The following RGS6 variants were observed in gnomAD, a reference collection of about 807,000 sequenced individuals.
The protein encoded by RGS6 is regulator of G protein signaling 6.
Under a neutral mutation model 78.5 loss-of-function variants are expected in RGS6, and 30 were observed. That is an observed-to-expected ratio of 0.38 (90% CI 0.29 to 0.52). The LOEUF is 0.52. Among genes scored for constraint, RGS6 ranks in the 20% least tolerant of loss-of-function variants. The pLI is 0.85. For missense variants in RGS6, 495 were observed against 609.7 expected (o/e 0.81, Z 1.98); for synonymous variants, 206 against 206.0 (o/e 1.00, Z 0.00).
At chr14:72,300,673 A>G (rs2065868133) in intron 2 of RGS6, among the ~76,000 whole-genome samples, 1 of 152,208 alleles carries the variant, frequency 6.6e-6, no homozygotes, top group Non-Finnish European at 1.5e-5. Context: ...GCATAGACAT[A>G]TGATTCCTTC....
At chr14:71,997,877 A>G (rs949245763) in intron 2 of RGS6, among the ~76,000 whole-genome samples, 1 of 152,326 alleles carries the variant, frequency 6.6e-6, no homozygotes, top group East Asian at 1.9e-4. Flanking sequence ...AAACTTGGCT[A>G]TAAATTTTAA....
chr14:72,070,071 C>A (rs1198238521), intron 2 of RGS6, among the ~76,000 whole-genome samples: 1 of 152,006 alleles, frequency 6.6e-6, no homozygotes, highest in African/African-American at 2.4e-5. Context: ...TGTTACTAAA[C>A]TATACATTTT....
chr14:72,224,562 C>A (rs2047653711), intron 2 of RGS6, among the ~76,000 whole-genome samples: 1 of 151,706 alleles, frequency 6.6e-6, no homozygotes, highest in Admixed American at 6.6e-5. Context: ...AATTTTAGTA[C>A]TTCTTATTAT....
At chr14:72,187,104 T>A (rs1220377411) in intron 2 of RGS6, among the ~76,000 whole-genome samples, 7 of 152,160 alleles carry the variant, frequency 4.6e-5, no homozygotes, top group Non-Finnish European at 1.0e-4. Flanking sequence ...GCTTAGAAAA[T>A]GTAAAGCCAT....
At chr14:72,423,918 T>G (rs1403379532) in intron 3 of RGS6, among the ~76,000 whole-genome samples, 2 of 152,210 alleles carry the variant, frequency 1.3e-5, no homozygotes, top group Non-Finnish European at 2.9e-5. Context: ...ATAGAAGTGT[T>G]GAAAGCTTCA....
chr14:72,210,969 A>T (rs1308113571), intron 2 of RGS6, among the ~76,000 whole-genome samples: 1 of 152,182 alleles, frequency 6.6e-6, no homozygotes, highest in East Asian at 1.9e-4. Context: ...AAAATGGCCA[A>T]TGTGACATTT....
At chr14:71,888,999 G>T in the RGS6 span, among the ~76,000 whole-genome samples, 2 of 152,160 alleles carry the variant, frequency 1.3e-5, no homozygotes, top group Admixed American at 1.3e-4. Flanking sequence ...TGAGGATTGG[G>T]CATGGTTCAC....
chr14:72,312,073 T>C (rs79975519), intron 2 of RGS6, among the ~76,000 whole-genome samples: 2,183 of 152,304 alleles, frequency 0.014, 43 homozygotes, highest in African/African-American at 0.049. Flanking sequence ...GCATCAGCTC[T>C]TGGGGGCAGC....
intron 10 of RGS6, among the ~76,000 whole-genome samples, chr14:72,475,102 T>C (rs1274878781): frequency 1.4e-5 from 2 of 146,794 alleles, no homozygotes; most frequent in East Asian, 4.0e-4. Flanking sequence ...CCTGGGGAGG[T>C]GGCAGGGAGG....
At chr14:72,409,462 T>A (rs1401641923) in intron 3 of RGS6, among the ~76,000 whole-genome samples, 1 of 152,238 alleles carries the variant, frequency 6.6e-6, no homozygotes, top group African/African-American at 2.4e-5. Flanking sequence ...ACCTAGGAAC[T>A]TAAAGTGCTG....
chr14:71,951,124 A>G (rs2092272890), intron 1 of RGS6, among the ~76,000 whole-genome samples: 1 of 152,170 alleles, frequency 6.6e-6, no homozygotes, highest in South Asian at 2.1e-4. Context: ...TCATTGCAGC[A>G]CTTTTCATGA....
intron 2 of RGS6, among the ~76,000 whole-genome samples, chr14:72,208,661 C>T: frequency 6.6e-6 from 1 of 152,140 alleles, no homozygotes; most frequent in East Asian, 1.9e-4. Flanking sequence ...GAAAAAATGT[C>T]TCAGAGGCTA....
intron 2 of RGS6, among the ~76,000 whole-genome samples, chr14:72,001,735 G>A (rs2083475503): frequency 6.6e-6 from 1 of 151,832 alleles, no homozygotes; most frequent in Non-Finnish European, 1.5e-5. Flanking sequence ...CTTTTCCCCT[G>A]GTGGAATTCT....
intron 2 of RGS6, among the ~76,000 whole-genome samples, chr14:72,152,827 C>G (rs755396500): frequency 2.6e-5 from 4 of 152,042 alleles, no homozygotes; most frequent in Non-Finnish European, 5.9e-5. Flanking sequence ...GGGTCCTTGT[C>G]ACACGGCTAT....
chr14:71,916,968 A>G, the RGS6 span, among the ~76,000 whole-genome samples: 1 of 152,154 alleles, frequency 6.6e-6, no homozygotes, highest in Non-Finnish European at 1.5e-5. Context: ...AAGGAAATAG[A>G]ATTCCCTAGC....
intron 1 of RGS6, among the ~76,000 whole-genome samples, chr14:71,957,955 A>G (rs1423427866): frequency 1.3e-5 from 2 of 151,646 alleles, no homozygotes; most frequent in Non-Finnish European, 2.9e-5. Flanking sequence ...TTTTGTAGAG[A>G]TTGGGTCTTG....
intron 2 of RGS6, among the ~76,000 whole-genome samples, chr14:72,297,885 A>T (rs193207020): frequency 6.6e-6 from 1 of 152,186 alleles, no homozygotes; most frequent in East Asian, 1.9e-4. Context: ...TATTTTAAAT[A>T]GTATTTTAAC....
chr14:72,298,569 T>C (rs1185104700), intron 2 of RGS6, among the ~76,000 whole-genome samples: 4 of 148,874 alleles, frequency 2.7e-5, no homozygotes, highest in Non-Finnish European at 3.0e-5. Flanking sequence ...TGCCTCAGCC[T>C]CCCGAGTAGC....
intron 14 of RGS6, among the ~76,000 whole-genome samples, chr14:72,517,849 T>C (rs1166519157): frequency 6.6e-6 from 1 of 152,254 alleles, no homozygotes; most frequent in Non-Finnish European, 1.5e-5. Context: ...TCACACTGTC[T>C]GCATGGTGGC....
Sources: gnomAD v4.1 joint callset for allele counts (sites outside exome capture counted in the v4.1 genomes callset) on GRCh38, gnomAD v4.1.1 for gene constraint, MANE v1.5 for transcripts, NCBI Gene and HGNC (gene_info 2026-07-23, HGNC 2026-07-21) for gene names.